The following TBX15 variants were observed in gnomAD, a reference collection of about 807,000 sequenced individuals.
TBX15 encodes the protein T-box transcription factor 15, also known as T-box transcription factor TBX15.
Under a neutral mutation model 53.9 loss-of-function variants are expected in TBX15, and 18 were observed. The ratio of observed to expected loss-of-function variants is 0.33; its 90% CI spans 0.23 to 0.49. The LOEUF is 0.49. Ranked by LOEUF, TBX15 falls within the 20% of genes least tolerant of loss-of-function variation. The probability of loss-of-function intolerance (pLI) is 0.98; values close to 1 mark genes in which losing one functional copy is unlikely to be tolerated. For missense variants in TBX15, 692 were observed against 749.5 expected, an observed-to-expected ratio of 0.92 and a Z score of 0.90; for synonymous variants, 295 against 278.0, an observed-to-expected ratio of 1.06 and a Z score of -0.61.
chr1:118,987,293 C>A (rs1176357354), intron 1 of TBX15, among the ~76,000 whole-genome samples: 1 of 152,220 alleles, frequency 6.6e-6, no homozygotes, highest in Non-Finnish European at 1.5e-5. Flanking sequence ...CAGGGACCGG[C>A]AGCCCTTCAT....
intron 7 of TBX15, among the ~76,000 whole-genome samples, chr1:118,893,292 AG>A (rs1241751568): frequency 3.7e-5 from 5 of 133,874 alleles, no homozygotes; most frequent in Non-Finnish European, 6.3e-5. Flanking sequence ...GAAGGAAGGA[AG>A]GAAGGAAGGA....
intron 2 of TBX15, among the ~76,000 whole-genome samples, chr1:118,927,458 G>GA (rs1200669653): frequency 6.6e-6 from 1 of 151,882 alleles, no homozygotes; most frequent in Non-Finnish European, 1.5e-5. Flanking sequence ...AAGTGTAAAA[G>GA]AAAAAAAGGA....
At chr1:118,909,042 T>G (rs1303663973) in intron 6 of TBX15, among the ~76,000 whole-genome samples, 1 of 152,182 alleles carries the variant, frequency 6.6e-6, no homozygotes, top group African/African-American at 2.4e-5. Context: ...GGTGGAGACC[T>G]TCCTATGCTT....
chr1:118,916,316 G>A (rs1181352856), intron 5 of TBX15, among the ~76,000 whole-genome samples: 1 of 152,170 alleles, frequency 6.6e-6, no homozygotes, highest in East Asian at 1.9e-4. Flanking sequence ...TCATGTTAGA[G>A]ACAGCATGTG....
intron 7 of TBX15, among the ~76,000 whole-genome samples, chr1:118,893,460 G>A (rs561647240): frequency 1.9e-4 from 20 of 104,078 alleles, no homozygotes; most frequent in East Asian, 1.0e-3. Flanking sequence ...AAGGAAGGAA[G>A]GAAAGAAAGG....
In TBX15 at chr1:118,987,706, C is replaced by G; in HGVS notation, c.90G>C (p.Arg30=). 1 of 1,550,454 alleles carries G rather than the reference C, an allele frequency of 6.4e-7. No individual in the cohort carries two copies. The highest frequency in any genetic ancestry group is 8.7e-7 in the Non-Finnish European group (1 of 1,146,866). ...CCTTCTCCTCCCAGTCTCGCAGTTTCCGTTTTTTATTTGAGCCGATCAAGG... is the reference window on the plus strand; with the variant it reads ...CCTTCTCCTCCCAGTCTCGCAGTTTGCGTTTTTTATTTGAGCCGATCAAGG... ...VEALIGSNKK[R]KLRDWEEKGL... is the part of the protein sequence containing the mutation. Residue 30 remains arginine (R), a synonymous_variant, in exon 1 of 8, where the codon CGG becomes CGC. Coordinates refer to ENST00000369429, the MANE Select transcript of TBX15 (RefSeq NM_001330677.2).
intron 1 of TBX15, among the ~76,000 whole-genome samples, chr1:118,950,411 T>C (rs1472694680): frequency 6.6e-6 from 1 of 152,256 alleles, no homozygotes; most frequent in Non-Finnish European, 1.5e-5. Flanking sequence ...AGAGGAGCTC[T>C]TTCTTCATGC....
intron 1 of TBX15, among the ~76,000 whole-genome samples, chr1:118,967,678 G>T (rs948256921): frequency 2.8e-4 from 42 of 152,192 alleles, no homozygotes; most frequent in African/African-American, 9.4e-4. Flanking sequence ...TGTTTTATTC[G>T]ATTTGGTGTT....
intron 1 of TBX15, among the ~76,000 whole-genome samples, chr1:118,955,622 C>A (rs1232426013): frequency 6.6e-6 from 1 of 152,146 alleles, no homozygotes; most frequent in Non-Finnish European, 1.5e-5. Flanking sequence ...AGAAAAAGAA[C>A]TCTCAGAGTC....
At chr1:118,958,235 C>T (rs1656756289) in intron 1 of TBX15, among the ~76,000 whole-genome samples, 1 of 152,148 alleles carries the variant, frequency 6.6e-6, no homozygotes, top group Admixed American at 6.5e-5. Context: ...TAAGAAGAGG[C>T]AGCAGAGAGT....
At chr1:118,951,477 C>G (rs1656509490) in intron 1 of TBX15, among the ~76,000 whole-genome samples, 1 of 152,162 alleles carries the variant, frequency 6.6e-6, no homozygotes, top group African/African-American at 2.4e-5. Context: ...TGGCTCTGAG[C>G]CCAGGGCAGG....
chr1:118,910,408 TTTGTTG>T (rs10638324), intron 6 of TBX15, among the ~76,000 whole-genome samples: 5 of 151,394 alleles, frequency 3.3e-5, no homozygotes, highest in Admixed American at 1.3e-4. Flanking sequence ...TTACAAGATT[TTTGTTG>T]TTGTTGTTGT....
intron 6 of TBX15, among the ~76,000 whole-genome samples, chr1:118,912,432 G>A (rs1655055168): frequency 6.6e-6 from 1 of 152,046 alleles, no homozygotes; most frequent in Non-Finnish European, 1.5e-5. Flanking sequence ...ATCTATCCAT[G>A]TACTTCAAGC....
intron 5 of TBX15, among the ~76,000 whole-genome samples, chr1:118,921,157 T>C (rs940709367): frequency 6.6e-6 from 1 of 151,926 alleles, no homozygotes; most frequent in African/African-American, 2.4e-5. Flanking sequence ...CCAGCCTGAG[T>C]GACAGAGCAA....
chr1:118,976,242 C>T (rs1428354727), intron 1 of TBX15, among the ~76,000 whole-genome samples: 1 of 152,138 alleles, frequency 6.6e-6, no homozygotes, highest in Non-Finnish European at 1.5e-5. Context: ...TTCCTCCTCC[C>T]CGACATTCAG....
intron 1 of TBX15, among the ~76,000 whole-genome samples, chr1:118,951,940 G>A (rs900816611): frequency 1.3e-5 from 2 of 152,162 alleles, no homozygotes; most frequent in African/African-American, 4.8e-5. Context: ...CAGGAATGTA[G>A]GGCTGCAGTT....
At chr1:118,945,319 T>C (rs1656313151) in intron 1 of TBX15, among the ~76,000 whole-genome samples, 1 of 152,154 alleles carries the variant, frequency 6.6e-6, no homozygotes, top group African/African-American at 2.4e-5. Flanking sequence ...CCCCCAAAAT[T>C]GTAAGTTAAC....
chr1:118,884,590 A>G lies in TBX15; in HGVS notation c.*142T>C. The G allele has an allele frequency of 1.0e-6, 1 of 990,306 alleles. No homozygotes were observed. Among genetic ancestry groups the G allele is most frequent in the Non-Finnish European group, 1.4e-6 (1 of 693,838 alleles). The allele number at this position is 990,306 out of a possible 1,614,324, so 61.3% of individuals were successfully genotyped here. A position where few individuals can be genotyped will look rare whatever the true frequency, so the allele number is the denominator to read the frequency against. ...TTAAAGGTATCTCTTGTTCTTGGGT[A>G]TATGTCTTCGGCCAGAAAAAAAAAA... On this transcript the variant is annotated 3_prime_UTR_variant, in exon 8 of 8. Coordinates refer to ENST00000369429, the MANE Select transcript of TBX15 (RefSeq NM_001330677.2).
chr1:118,927,096 AT>A (rs1163557619), intron 2 of TBX15, among the ~76,000 whole-genome samples: 1 of 152,114 alleles, frequency 6.6e-6, no homozygotes, highest in Middle Eastern at 3.2e-3. Context: ...AAGTTGACTA[AT>A]TTTTTTCACT....
Sources: allele counts gnomAD v4.1 joint callset (sites outside exome capture counted in the v4.1 genomes callset), GRCh38; gene constraint gnomAD v4.1.1; transcripts MANE v1.5; gene names NCBI Gene and HGNC (gene_info 2026-07-23, HGNC 2026-07-21).